Variants in GLP1R observed in about 807,000 individuals in gnomAD.
The protein encoded by GLP1R is glucagon-like peptide 1 receptor.
Under a neutral mutation model 68.4 loss-of-function variants are expected in GLP1R, and 32 were observed. The observed-to-expected ratio is 0.47, with a 90% CI of 0.35 to 0.63. The LOEUF (loss-of-function observed/expected upper bound fraction) is 0.63, where lower values mean the gene tolerates loss of function less well. Among genes scored for constraint, GLP1R ranks in the 20% least tolerant of loss-of-function variants. The pLI, the probability that GLP1R is intolerant of heterozygous loss-of-function variation, is 0.00. For missense variants in GLP1R, 502 were observed against 594.9 expected, an observed-to-expected ratio of 0.84 and a Z score of 1.62; for synonymous variants, 263 against 244.4, an observed-to-expected ratio of 1.08 and a Z score of -0.71.
chr6:39,072,526 A>T (rs1220443814), intron 5 of GLP1R, among the ~76,000 whole-genome samples: 1 of 152,356 alleles, frequency 6.6e-6, no homozygotes, highest in East Asian at 1.9e-4. Context: ...TGTCAACAAG[A>T]AGCAGTGTTC....
chr6:39,049,926 TACCCCCAGACCTAAAGA>T lies in GLP1R; in HGVS notation c.78+1011_78+1027del. Among the ~76,000 whole-genome samples, 1 of 152,276 alleles carries T rather than the reference TACCCCCAGACCTAAAGA, an allele frequency of 6.6e-6. No individual in the cohort carries two copies. Among genetic ancestry groups the T allele is most frequent in the East Asian group, 1.9e-4 (1 of 5,178 alleles). ...GGTTCTTCCTATCACCTCCCACTGC[TACCCCCAGACCTAAAGA>T]ACTGAGATCTGTGGGGAGTGGACCT... is the stretch of plus-strand genomic sequence containing the variant. On this transcript the variant is annotated intron_variant, in intron 1 of 12. Coordinates refer to ENST00000373256, the MANE Select transcript of GLP1R (RefSeq NM_002062.5). The surrounding 1 kb of genome is among the most constrained non-coding windows in gnomAD (Gnocchi z 4.5).
Position 39,089,265 on chromosome 6 carries a change from T to C in GLP1R, c.*3192T>C, listed in dbSNP as rs1769219624. Among the ~76,000 whole-genome samples, 1 of 152,242 alleles carries C rather than the reference T, an allele frequency of 6.6e-6. No individual in the cohort carries two copies. Among genetic ancestry groups the C allele is most frequent in the Admixed American group, 6.5e-5 (1 of 15,288 alleles). On this transcript the variant is annotated 3_prime_UTR_variant, in exon 13 of 13. Coordinates refer to ENST00000373256, the MANE Select transcript of GLP1R (RefSeq NM_002062.5). The surrounding 1 kb of genome is among the most constrained non-coding windows in gnomAD (Gnocchi z 4.1). ...ATTTTGGATGGCAATTCCAGCACTC[T>C]TTTAATGGATTGGCTTAATTTTTTT...
At chr6:39,065,309 C>T (rs10305451) in intron 3 of GLP1R, among the ~76,000 whole-genome samples, 5 of 152,186 alleles carry the variant, frequency 3.3e-5, no homozygotes, top group East Asian at 1.9e-4. Flanking sequence ...GGGGCAGGCA[C>T]GGCTGCTGCT....
chr6:39,065,985 G>A (rs1768495879), intron 4 of GLP1R, among the ~76,000 whole-genome samples, 156 bp downstream of exon 4: 1 of 152,176 alleles, frequency 6.6e-6, no homozygotes, highest in African/African-American at 2.4e-5. Flanking sequence ...TCTGGACAAA[G>A]GTGGTGTGTA....
Position 39,072,876 on chromosome 6 carries a change from C to G in GLP1R, c.524C>G (p.Thr175Ser). ...ILLGFRHLHC[T>S]RNYIHLNLFA... ...TTCTCCCTCAGACACCTGCACTGCA[C>G]CAGGAACTACATCCACCTGAACCTG... is the stretch of plus-strand genomic sequence containing the variant. Residue 175 changes from threonine to serine, a missense_variant, in exon 6 of 13, where the codon ACC becomes AGC. Thr to Ser is a moderately conservative substitution (Grantham distance 58). Coordinates refer to ENST00000373256, the MANE Select transcript of GLP1R (RefSeq NM_002062.5). 6.2e-7 allele frequency: 1 copy of G among 1,613,974 alleles called. No homozygotes were observed. Among genetic ancestry groups the G allele is most frequent in the Non-Finnish European group, 8.5e-7 (1 of 1,179,892 alleles).
chr6:39,057,690 T>A, intron 3 of GLP1R, 111 bp downstream of exon 3: 1 of 592,746 alleles, frequency 1.7e-6, no homozygotes, highest in Non-Finnish European at 3.1e-6. Flanking sequence ...CCCGACCTGA[T>A]ACCTGCCCTG....
At chr6:39,062,384 G>A (rs1465510840) in intron 3 of GLP1R, among the ~76,000 whole-genome samples, 1 of 152,200 alleles carries the variant, frequency 6.6e-6, no homozygotes, top group African/African-American at 2.4e-5. Context: ...GGGCATCTGG[G>A]GATCATGGGC....
At chr6:39,069,943 T>C (rs543481632) in intron 5 of GLP1R, among the ~76,000 whole-genome samples, 1 of 152,334 alleles carries the variant, frequency 6.6e-6, no homozygotes, top group East Asian at 1.9e-4. Flanking sequence ...CACCAGTGGG[T>C]TTGATGTCTA....
At chr6:39,057,903 C>A (rs940003635) in intron 3 of GLP1R, among the ~76,000 whole-genome samples, 1 of 152,166 alleles carries the variant, frequency 6.6e-6, no homozygotes, top group Non-Finnish European at 1.5e-5. Context: ...CTCCCTCCCC[C>A]ACCGTCCCCT....
chr6:39,066,341 C>T (rs1207579549), intron 5 of GLP1R, 38 bp downstream of exon 5: 1 of 1,071,236 alleles, frequency 9.3e-7, no homozygotes, highest in Non-Finnish European at 1.5e-6. Context: ...GCTGCTTCAT[C>T]CTAACTCCCC....
chr6:39,077,767 G>T (rs994493085), intron 7 of GLP1R, among the ~76,000 whole-genome samples: 43 of 152,258 alleles, frequency 2.8e-4, no homozygotes, highest in African/African-American at 9.6e-4. Context: ...AGGCCACTGC[G>T]GACAGTTAGT....
chr6:39,068,601 G>A (rs1301427912), intron 5 of GLP1R, among the ~76,000 whole-genome samples: 2 of 152,228 alleles, frequency 1.3e-5, no homozygotes, highest in African/African-American at 4.8e-5. Context: ...CACTCTGTGT[G>A]TCTGTAGAGT....
intron 8 of GLP1R, 89 bp from the exon 9 acceptor site, chr6:39,078,868 A>C (rs742762): frequency 0.13 from 135,463 of 1,079,946 alleles, 10,045 homozygotes; most frequent in East Asian, 0.28. Context: ...CAACATGGCC[A>C]TGTGCATTGG....
chr6:39,065,084 A>C (rs1768467577), intron 3 of GLP1R, among the ~76,000 whole-genome samples: 1 of 152,196 alleles, frequency 6.6e-6, no homozygotes, highest in Non-Finnish European at 1.5e-5. Flanking sequence ...CTTTTAGACC[A>C]GGGGGTCCTT....
chr6:39,066,456 G>T (rs1475920579), intron 5 of GLP1R, among the ~76,000 whole-genome samples, 153 bp downstream of exon 5: 1 of 152,174 alleles, frequency 6.6e-6, no homozygotes, highest in Non-Finnish European at 1.5e-5. Flanking sequence ...AGAATATGAG[G>T]TTGAAAACAC....
chr6:39,075,964 T>A (rs1768811643), intron 7 of GLP1R, among the ~76,000 whole-genome samples: 2 of 152,224 alleles, frequency 1.3e-5, no homozygotes, highest in Middle Eastern at 3.2e-3. Flanking sequence ...CCTGTCTTGC[T>A]CGTTTTCTAA....
At chr6:39,063,465 C>T (rs1236253381) in intron 3 of GLP1R, among the ~76,000 whole-genome samples, 3 of 152,200 alleles carry the variant, frequency 2.0e-5, no homozygotes, top group Non-Finnish European at 4.4e-5. Flanking sequence ...GGAACACCAT[C>T]GTTCCCACTG....
intron 12 of GLP1R, among the ~76,000 whole-genome samples, chr6:39,083,222 A>G (rs1583652825): frequency 6.6e-6 from 1 of 152,032 alleles, no homozygotes; most frequent in South Asian, 2.1e-4. Flanking sequence ...GAACGGGAGA[A>G]CCTGTCTCCC....
rs761387732 is a variant in GLP1R, at chr6:39,088,546, C to A, written c.*2473C>A. On this transcript the variant is annotated 3_prime_UTR_variant, in exon 13 of 13. Coordinates refer to ENST00000373256, the MANE Select transcript of GLP1R (RefSeq NM_002062.5). ...CGCTGCTTTTGTTTGAGCTTTGTAG[C>A]CACAAGGTCTGATGTCTGTTGTGAA... Among the ~76,000 whole-genome samples the A allele has an allele frequency of 1.7e-4, 26 of 152,160 alleles. No homozygotes were observed. The highest frequency in any genetic ancestry group is 3.2e-3 in the Middle Eastern group (1 of 316).
Sources: gnomAD v4.1 joint callset for allele counts (sites outside exome capture counted in the v4.1 genomes callset) on GRCh38, gnomAD v4.1.1 for gene constraint, Gnocchi (gnomAD v3.1) non-coding constraint, MANE v1.5 for transcripts, NCBI Gene and HGNC (gene_info 2026-07-23, HGNC 2026-07-21) for gene names.